The following NTRK1 variants were observed in gnomAD, a reference collection of about 807,000 sequenced individuals.
NTRK1 encodes the protein high affinity nerve growth factor receptor.
A neutral mutation model predicts 86.8 loss-of-function variants in NTRK1; 62 were observed. That is an observed-to-expected ratio of 0.71 (90% confidence interval 0.58 to 0.88). The LOEUF is 0.88. Ranked by LOEUF, NTRK1 falls within the 40% of genes least tolerant of loss-of-function variation. The pLI, the probability that NTRK1 is intolerant of heterozygous loss-of-function variation, is 0.00. For synonymous variants in NTRK1, 469 were observed against 456.6 expected (o/e 1.03, Z -0.35); for missense variants, 967 against 1,078.4 (o/e 0.90, Z 1.45).
At position 156,854,446 on chromosome 1, in the gene NTRK1, C is replaced by A. The variant is rs1655341587; in HGVS notation, c.51-9908C>A. ...TCTGCTCTGGGTGTGGGGTGGCCTC[C>A]TTCCTGGGCCCCGGAGGGCTCACCT... On this transcript the variant is annotated intron_variant, in intron 2 of 16. Coordinates refer to the NTRK1 transcript ENST00000392302. The surrounding 1 kb of genome is among the most constrained non-coding windows in gnomAD (Gnocchi z 4.2). The A allele has an allele frequency of 1.1e-6, 1 of 882,984 alleles. No individual in the cohort carries two copies. Among genetic ancestry groups the A allele is most frequent in the Admixed American group, 2.8e-5 (1 of 35,424 alleles). The allele number at this position is 882,984 out of a possible 1,614,324, so 54.7% of individuals were successfully genotyped here. A position where few individuals can be genotyped will look rare whatever the true frequency, so the allele number is the denominator to read the frequency against.
At chr1:156,846,251 C>A in intron 2 of NTRK1, 1 of 993,570 alleles carries the variant, frequency 1.0e-6, no homozygotes, top group Non-Finnish European at 1.4e-6. Context: ...CCCCTGGCTT[C>A]CTAGAACTCA....
chr1:156,825,781 T>C (rs760226449), intron 1 of NTRK1, among the ~76,000 whole-genome samples: 1 of 152,188 alleles, frequency 6.6e-6, no homozygotes, highest in Non-Finnish European at 1.5e-5. Flanking sequence ...TTGTAGGCCA[T>C]GGGGGTGGAG....
At chr1:156,820,331 C>T (rs965778740) in intron 1 of NTRK1, among the ~76,000 whole-genome samples, 6 of 152,222 alleles carry the variant, frequency 3.9e-5, no homozygotes, top group Non-Finnish European at 8.8e-5. Flanking sequence ...ACTGCAGCCT[C>T]AACCTCCCGG....
At chr1:156,840,789 G>C (rs1654744882) in intron 1 of NTRK1, 1 of 1,053,944 alleles carries the variant, frequency 9.5e-7, no homozygotes, top group Non-Finnish European at 1.4e-6. Flanking sequence ...TTGGGGTGGG[G>C]GTGAACATTC....
intron 1 of NTRK1, among the ~76,000 whole-genome samples, chr1:156,839,700 T>A (rs1231945438): frequency 6.6e-6 from 1 of 152,196 alleles, no homozygotes; most frequent in Non-Finnish European, 1.5e-5. Context: ...ACTTAAAGTC[T>A]GTCCTATGAC....
At chr1:156,852,033 T>C in intron 2 of NTRK1, 2 of 1,613,096 alleles carry the variant, frequency 1.2e-6, no homozygotes, top group Non-Finnish European at 8.5e-7. Flanking sequence ...TACTGGTAGG[T>C]GCCTGGCGGG....
At chr1:156,845,689 G>A in intron 2 of NTRK1, 1 of 1,612,054 alleles carries the variant, frequency 6.2e-7, no homozygotes. Context: ...TGCGCCTCCA[G>A]CGGGGGCAGA....
At chr1:156,845,308 G>T (rs1654953280) in intron 2 of NTRK1, 1 of 1,612,112 alleles carries the variant, frequency 6.2e-7, no homozygotes, top group African/African-American at 1.3e-5. Context: ...TGGGGAGAGC[G>T]AGTCAGAGCC....
rs1571690479 is a variant in NTRK1, at chr1:156,868,681, T to G, written c.717+34T>G. The G allele has an allele frequency of 1.9e-6, 3 of 1,547,802 alleles. No individual in the cohort carries two copies. In the South Asian group the frequency reaches 3.6e-5, roughly 18 times the overall value. ...ACCTTCGCTGGCAGCCCCCAAGAGG[T>G]CCAGGCAGAGCACAGGGGACAAAGA... is the stretch of plus-strand genomic sequence containing the variant. On this transcript the variant is annotated intron_variant, in intron 6 of 16. Coordinates refer to ENST00000524377, the MANE Select transcript of NTRK1 (RefSeq NM_002529.4).
chr1:156,866,460 C>T (rs1018719108), intron 3 of NTRK1, among the ~76,000 whole-genome samples: 5 of 152,156 alleles, frequency 3.3e-5, no homozygotes, highest in Admixed American at 2.6e-4. Context: ...TGAGGAAGTG[C>T]GTGGAGTTCC....
chr1:156,841,075 G>C (rs778994457), intron 1 of NTRK1: 2 of 1,570,624 alleles, frequency 1.3e-6, no homozygotes, highest in Non-Finnish European at 1.7e-6. Context: ...GCGTGGGTTC[G>C]GCTGCCAGCA....
chr1:156,858,495 G>T (rs773679948), upstream of NTRK1: 1 of 1,527,250 alleles, frequency 6.5e-7, no homozygotes, highest in Non-Finnish European at 9.1e-7. Flanking sequence ...CCAGCTGGCT[G>T]GGAGGGAGGT....
intron 1 of NTRK1, among the ~76,000 whole-genome samples, chr1:156,826,129 C>T (rs1654309750): frequency 6.6e-6 from 1 of 152,032 alleles, no homozygotes; most frequent in South Asian, 2.1e-4. Context: ...TTAAAGACAC[C>T]TGAGGAGAAA....
intron 14 of NTRK1, among the ~76,000 whole-genome samples, chr1:156,877,493 C>T (rs1322309229): frequency 6.6e-6 from 1 of 152,204 alleles, no homozygotes; most frequent in Non-Finnish European, 1.5e-5. Context: ...CCAGGCAGAG[C>T]CCCTACTCTC....
chr1:156,875,327 C>A (rs1443637177), intron 11 of NTRK1, among the ~76,000 whole-genome samples, 193 bp from the exon 12 acceptor site: 2 of 151,822 alleles, frequency 1.3e-5, no homozygotes, highest in Non-Finnish European at 2.9e-5. Context: ...GCCCATGGGG[C>A]CAGGGGTGGG....
At chr1:156,851,964 G>T in intron 2 of NTRK1, 1 of 1,607,776 alleles carries the variant, frequency 6.2e-7, no homozygotes, top group South Asian at 1.1e-5. Flanking sequence ...GTGGAGGCAC[G>T]GCCGGGCACA....
intron 2 of NTRK1, among the ~76,000 whole-genome samples, chr1:156,843,740 G>A (rs1654886418): frequency 6.6e-6 from 1 of 152,212 alleles, no homozygotes. Context: ...CAAGCTGATC[G>A]AGGTCCAGCC....
intron 2 of NTRK1, chr1:156,844,936 G>A (rs1654935944): frequency 6.4e-7 from 1 of 1,573,934 alleles, no homozygotes; most frequent in Admixed American, 1.7e-5. Context: ...TGGGAGGTGG[G>A]GAAAGCTTTG....
chr1:156,866,035 G>C (rs1366296199), intron 3 of NTRK1, among the ~76,000 whole-genome samples: 1 of 152,238 alleles, frequency 6.6e-6, no homozygotes, highest in Non-Finnish European at 1.5e-5. Flanking sequence ...CCATTTCATA[G>C]ATGAGAATTC....
Sources: allele counts gnomAD v4.1 joint callset (sites outside exome capture counted in the v4.1 genomes callset), GRCh38; gene constraint gnomAD v4.1.1; non-coding constraint Gnocchi (gnomAD v3.1); transcripts MANE v1.5; gene names NCBI Gene and HGNC (gene_info 2026-07-23, HGNC 2026-07-21).